ANK2: variants seen among roughly 807,000 people sequenced by gnomAD.
The protein encoded by ANK2 is ankyrin 2, also known as ankyrin-2.
A neutral mutation model predicts 360.5 loss-of-function variants in ANK2; 83 were observed. The observed-to-expected ratio is 0.23, with a 90% CI of 0.19 to 0.28. The LOEUF (loss-of-function observed/expected upper bound fraction) is 0.28, where lower values mean the gene tolerates loss of function less well. ANK2 is among the 10% of genes least tolerant of loss of function. The pLI is 1.00. For missense variants in ANK2, 4,201 were observed against 4,795.7 expected, an observed-to-expected ratio of 0.88 and a Z score of 3.66; for synonymous variants, 1,740 against 1,759.5, an observed-to-expected ratio of 0.99 and a Z score of 0.28.
At chr4:112,872,789 T>C (rs887958531) in intron 1 of ANK2, among the ~76,000 whole-genome samples, 15 of 152,232 alleles carry the variant, frequency 9.9e-5, no homozygotes, top group African/African-American at 3.6e-4. Context: ...GAATTGGTGT[T>C]TTATCTTATT....
intron 2 of ANK2, among the ~76,000 whole-genome samples, chr4:113,189,379 A>C (rs757895182): frequency 1.3e-5 from 2 of 152,228 alleles, no homozygotes; most frequent in Non-Finnish European, 2.9e-5. Flanking sequence ...GAAGATCGGA[A>C]GTCATTGTAA....
intron 45 of ANK2, chr4:113,374,651 A>G: frequency 1.5e-6 from 1 of 645,714 alleles, no homozygotes; most frequent in Non-Finnish European, 2.0e-6. Context: ...TGTTTTCTGG[A>G]AAGCCAGTAT....
chr4:113,322,576 A>C (rs548007240), intron 26 of ANK2, among the ~76,000 whole-genome samples: 2 of 152,322 alleles, frequency 1.3e-5, no homozygotes, highest in South Asian at 2.1e-4. Flanking sequence ...AAAGGTCTTT[A>C]GTTTTTGTAG....
chr4:112,975,353 A>T (rs909646889), intron 2 of ANK2, among the ~76,000 whole-genome samples: 1 of 152,224 alleles, frequency 6.6e-6, no homozygotes, highest in Admixed American at 6.5e-5. Flanking sequence ...TGTTCCTTCA[A>T]ATAAAAAAAA....
intron 2 of ANK2, among the ~76,000 whole-genome samples, chr4:112,953,909 A>G (rs2095188412): frequency 6.6e-6 from 1 of 152,150 alleles, no homozygotes; most frequent in Non-Finnish European, 1.5e-5. Context: ...TCACATAAAC[A>G]GATTATTTAT....
At chr4:113,226,124 A>C (rs2099217459) in intron 4 of ANK2, among the ~76,000 whole-genome samples, 1 of 152,186 alleles carries the variant, frequency 6.6e-6, no homozygotes, top group Non-Finnish European at 1.5e-5. Flanking sequence ...ACTTCTTGGG[A>C]TTTAACAAAA....
At chr4:113,227,904 A>G (rs763412376) in intron 4 of ANK2, among the ~76,000 whole-genome samples, 15 of 152,226 alleles carry the variant, frequency 9.9e-5, no homozygotes, top group African/African-American at 3.1e-4. Context: ...ACTATGATAA[A>G]CTTGAGCTGT....
chr4:113,133,328 A>G (rs1332184691), intron 1 of ANK2, among the ~76,000 whole-genome samples: 1 of 152,196 alleles, frequency 6.6e-6, no homozygotes, highest in Non-Finnish European at 1.5e-5. Context: ...GAATGAGAGC[A>G]TGTAGACTCT....
At chr4:112,973,391 A>C (rs1326763781) in intron 2 of ANK2, among the ~76,000 whole-genome samples, 3 of 152,194 alleles carry the variant, frequency 2.0e-5, no homozygotes, top group Admixed American at 6.5e-5. Flanking sequence ...AAGCAAAGTG[A>C]TGTGCTCAAG....
chr4:113,055,406 G>A (rs1443574922), intron 1 of ANK2, among the ~76,000 whole-genome samples: 10 of 151,786 alleles, frequency 6.6e-5, no homozygotes, highest in East Asian at 3.9e-4. Flanking sequence ...ATAAATAAAT[G>A]AATAAATAGA....
chr4:112,948,324 T>G (rs752697729), intron 2 of ANK2, among the ~76,000 whole-genome samples: 10 of 152,262 alleles, frequency 6.6e-5, no homozygotes, highest in Non-Finnish European at 1.0e-4. Context: ...TGAACATGTC[T>G]GCTTTCTACA....
intron 1 of ANK2, chr4:112,818,348 T>A (rs1424240436): frequency 6.6e-6 from 1 of 152,258 alleles, no homozygotes; most frequent in African/African-American, 2.4e-5. Flanking sequence ...GCTGGAAGCC[T>A]TTGTAAAACC....
Position 113,355,415 on chromosome 4 carries a change from A to G in ANK2, c.6797A>G (p.Lys2266Arg), listed in dbSNP as rs768786898. Reference sequence around the variant, plus strand: ...ACTGGGGAAACAAAGGAAAGCACCAAGACAGAAACCACCACAGAAATTCGT... The same window carrying G: ...ACTGGGGAAACAAAGGAAAGCACCAGGACAGAAACCACCACAGAAATTCGT... ...EQTGETKEST[K>R]TETTTEIRSE... The change falls in exon 38 of 46, where the codon AAG (lysine) becomes AGG (arginine). Residue 2266 changes from lysine (K) to arginine (R), a missense_variant. By Grantham distance (26) the Lys-to-Arg change is conservative (BLOSUM62 2). This residue lies in a region of ANK2 where 2,642 missense variants were observed against 2,714.5 expected (regional missense o/e 0.97). Transcript: ENST00000357077. 12 of 1,614,006 alleles carry G rather than the reference A, an allele frequency of 7.4e-6. No homozygotes were observed. Among genetic ancestry groups the G allele is most frequent in the South Asian group, 5.5e-5 (5 of 91,086 alleles).
chr4:112,944,882 A>G (rs969498609), intron 2 of ANK2, among the ~76,000 whole-genome samples: 4 of 152,330 alleles, frequency 2.6e-5, no homozygotes, highest in African/African-American at 7.2e-5. Context: ...ATCTTTTAGG[A>G]AAAAGTACCT....
chr4:113,293,598 A>G (rs1186470733), intron 22 of ANK2, 60 bp downstream of exon 22: 6 of 1,454,530 alleles, frequency 4.1e-6, no homozygotes, highest in Non-Finnish European at 4.8e-6. Flanking sequence ...AACTAAATAC[A>G]TGTACAGTAC....
chr4:112,864,754 C>T (rs912032732), intron 1 of ANK2, among the ~76,000 whole-genome samples: 15 of 150,832 alleles, frequency 9.9e-5, no homozygotes, highest in Non-Finnish European at 2.2e-4. Context: ...AGAAACCAGC[C>T]GGGCGCGGTG....
chr4:112,961,327 TA>T (rs1384234069), intron 2 of ANK2, among the ~76,000 whole-genome samples: 22 of 152,118 alleles, frequency 1.4e-4, no homozygotes, highest in African/African-American at 3.6e-4. Context: ...GAATATAAGG[TA>T]TTTTTTTTAG....
chr4:113,204,844 A>C (rs2098921542), intron 4 of ANK2, among the ~76,000 whole-genome samples: 2 of 152,132 alleles, frequency 1.3e-5, no homozygotes, highest in Non-Finnish European at 2.9e-5. Context: ...CTAGTGAGTA[A>C]AGCGATTCAG....
At chr4:112,914,028 T>G (rs2088776422) in intron 2 of ANK2, among the ~76,000 whole-genome samples, 1 of 152,176 alleles carries the variant, frequency 6.6e-6, no homozygotes, top group South Asian at 2.1e-4. Context: ...ATAGTTTTTT[T>G]GGGGTTTCTT....
Sources: gnomAD v4.1 joint callset for allele counts (sites outside exome capture counted in the v4.1 genomes callset) on GRCh38, gnomAD v4.1.1 for gene constraint, gnomAD v4.1.1 regional missense constraint, MANE v1.5 for transcripts, NCBI Gene and HGNC (gene_info 2026-07-23, HGNC 2026-07-21) for gene names.